Variants in HSD17B2 observed in about 807,000 individuals in gnomAD.
HSD17B2 encodes 17-beta-hydroxysteroid dehydrogenase type 2.
Under a neutral mutation model 26.9 loss-of-function variants are expected in HSD17B2, and 32 were observed. The observed-to-expected ratio is 1.19, with a 90% confidence interval of 0.90 to 1.60. The LOEUF (loss-of-function observed/expected upper bound fraction) is 1.60. Among genes scored for constraint, HSD17B2 ranks in the 40% most tolerant of loss-of-function variants. HSD17B2 has a pLI of 0.00. For missense variants in HSD17B2, 613 were observed against 468.6 expected (o/e 1.31, Z -2.85); for synonymous variants, 246 against 186.7 (o/e 1.32, Z -2.59).
chr16:82,077,718 G>A (rs747481980), intron 3 of HSD17B2, among the ~76,000 whole-genome samples: 1 of 151,164 alleles, frequency 6.6e-6, no homozygotes, highest in African/African-American at 2.4e-5. Context: ...ATGACAGAGT[G>A]AGACCCTGTT....
At chr16:82,039,177 C>T (rs1913699979) in intron 1 of HSD17B2, among the ~76,000 whole-genome samples, 1 of 151,874 alleles carries the variant, frequency 6.6e-6, no homozygotes, top group Non-Finnish European at 1.5e-5. Flanking sequence ...GCTGTGTGGA[C>T]AGCTGTGTAA....
At position 82,037,829 on chromosome 16, in the gene HSD17B2, G is replaced by A. The variant is rs540177116; in HGVS notation, c.265+2140G>A. ...AGGGTTGGAACAAGTCTACAGCCAC[G>A]TCAAATGCATAGATTCCTGGGCTGG... On this transcript the variant is annotated intron_variant, in intron 1 of 4. Coordinates refer to ENST00000199936, the MANE Select transcript of HSD17B2 (RefSeq NM_002153.3). 8.5e-5 allele frequency among the ~76,000 whole-genome samples: 13 copies of A among 152,320 alleles called. No homozygotes were observed. In the East Asian group the frequency reaches 1.9e-3, roughly 23 times the overall value.
In HSD17B2 at chr16:82,071,071, T is replaced by G; in HGVS notation, c.608T>G (p.Phe203Cys). ...GGAACTGTGGAGGTCACAAAGACGT[T>G]TTTGCCTCTTCTTAGAAAATCCAAA... ...FFGTVEVTKT[F>C]LPLLRKSKGR... The change falls in exon 3 of 5, where the codon TTT (phenylalanine) becomes TGT (cysteine). Residue 203 changes from phenylalanine to cysteine, a missense_variant. Coordinates refer to ENST00000199936, the MANE Select transcript of HSD17B2 (RefSeq NM_002153.3). 6.2e-7 allele frequency: 1 copy of G among 1,614,178 alleles called. No individual in the cohort carries two copies. Among genetic ancestry groups the G allele is most frequent in the South Asian group, 1.1e-5 (1 of 91,084 alleles).
chr16:82,061,168 G>C (rs564101839), intron 1 of HSD17B2, among the ~76,000 whole-genome samples: 78 of 151,648 alleles, frequency 5.1e-4, no homozygotes, highest in African/African-American at 1.9e-3. Context: ...CTGAGGCAAA[G>C]AATTGCTTGA....
intron 1 of HSD17B2, among the ~76,000 whole-genome samples, chr16:82,051,224 A>G (rs1441691590): frequency 6.6e-6 from 1 of 152,330 alleles, no homozygotes; most frequent in East Asian, 1.9e-4. Flanking sequence ...TAATGATAGC[A>G]TTGCGTACGG....
rs1014367887 is a variant in HSD17B2, at chr16:82,043,564, G to C, written c.265+7875G>C. On this transcript the variant is annotated intron_variant, in intron 1 of 4. Coordinates refer to ENST00000199936, the MANE Select transcript of HSD17B2 (RefSeq NM_002153.3). The stretch of plus-strand genomic sequence containing the variant: ...CCGGGCGCCGTGGCAGGCGCCTGTA[G>C]TCCCAGCTACTCGGGAGGCTGAGGC... Among the ~76,000 whole-genome samples, 87 of 141,740 alleles carry C rather than the reference G, an allele frequency of 6.1e-4. 15 individuals carry two copies. Among genetic ancestry groups the C allele is most frequent in the African/African-American group, 2.6e-3 (84 of 31,780 alleles). The allele number at this position is 141,740 out of a possible 152,430, so 93.0% of individuals were successfully genotyped here.
At chr16:82,090,427 T>C (rs1904656828) in intron 3 of HSD17B2, among the ~76,000 whole-genome samples, 1 of 146,910 alleles carries the variant, frequency 6.8e-6, no homozygotes, top group Non-Finnish European at 1.5e-5. Context: ...CAAGCGATTC[T>C]TACGTCTCAG....
At chr16:82,095,491 A>G (rs535801112) in intron 4 of HSD17B2, 4 of 153,068 alleles carry the variant, frequency 2.6e-5, no homozygotes, top group African/African-American at 9.6e-5. Context: ...AGCGTGGGAG[A>G]CCGCAAGCTT....
intron 3 of HSD17B2, among the ~76,000 whole-genome samples, chr16:82,086,301 A>T (rs1014802035): frequency 1.3e-5 from 2 of 152,356 alleles, no homozygotes; most frequent in African/African-American, 4.8e-5. Flanking sequence ...CAGCTTTACA[A>T]AGAGTGAAGT....
At chr16:82,038,300 G>A (rs1913672426) in intron 1 of HSD17B2, among the ~76,000 whole-genome samples, 1 of 152,216 alleles carries the variant, frequency 6.6e-6, no homozygotes, top group Non-Finnish European at 1.5e-5. Flanking sequence ...TGAAACCACA[G>A]AGGCCATTCA....
intron 3 of HSD17B2, among the ~76,000 whole-genome samples, chr16:82,073,985 G>A (rs1195114244): frequency 4.6e-5 from 7 of 152,070 alleles, no homozygotes; most frequent in Non-Finnish European, 7.4e-5. Context: ...AAACAGCATG[G>A]TCCTGTACAA....
intron 3 of HSD17B2, among the ~76,000 whole-genome samples, chr16:82,089,728 G>T (rs1276775459): frequency 6.6e-6 from 1 of 152,102 alleles, no homozygotes; most frequent in African/African-American, 2.4e-5. Flanking sequence ...GCCTTGGCTT[G>T]GGCAACATAA....
intron 4 of HSD17B2, chr16:82,097,753 A>T (rs8191241): frequency 0.019 from 3,218 of 168,274 alleles, 47 homozygotes; most frequent in Middle Eastern, 0.035. Flanking sequence ...AGCCTGGCCA[A>T]CATGGCAAAA....
intron 3 of HSD17B2, among the ~76,000 whole-genome samples, chr16:82,080,932 G>A (rs1396487328): frequency 6.6e-6 from 1 of 152,072 alleles, no homozygotes; most frequent in Non-Finnish European, 1.5e-5. Context: ...TTTTGTGGTT[G>A]TTGTTGTTTT....
rs116216748 is a variant in HSD17B2 at position 82,054,679 on chromosome 16, C to A, written c.266-13491C>A. On this transcript the variant is annotated intron_variant, in intron 1 of 4. Transcript: ENST00000199936. ...TCTTAACATACCACTTAGCCATTTC[C>A]ACCAACTTGATTTCCCAACCTCCAG... is the stretch of plus-strand genomic sequence containing the variant. Among the ~76,000 whole-genome samples, 1,379 of 152,310 alleles carry A rather than the reference C, an allele frequency of 9.1e-3. 14 individuals are homozygous for A. Among genetic ancestry groups the A allele is most frequent in the African/African-American group, 0.032 (1,317 of 41,572 alleles).
intron 1 of HSD17B2, among the ~76,000 whole-genome samples, chr16:82,047,332 G>A (rs1186206156): frequency 6.6e-6 from 1 of 152,214 alleles, no homozygotes; most frequent in Non-Finnish European, 1.5e-5. Flanking sequence ...AGCTAGAGAA[G>A]AAGACAATGG....
intron 4 of HSD17B2, chr16:82,094,633 T>A (rs1005038474): frequency 1.3e-5 from 2 of 152,224 alleles, no homozygotes; most frequent in Admixed American, 1.3e-4. Flanking sequence ...GAACTCATGT[T>A]TGGAGAATGA....
chr16:82,040,651 T>C (rs1171045548), intron 1 of HSD17B2, among the ~76,000 whole-genome samples: 1 of 152,230 alleles, frequency 6.6e-6, no homozygotes, highest in Non-Finnish European at 1.5e-5. Flanking sequence ...CTCTGCTTAA[T>C]ACAGAGCTTG....
chr16:82,073,647 G>A (rs1306394146), intron 3 of HSD17B2, among the ~76,000 whole-genome samples: 1 of 152,052 alleles, frequency 6.6e-6, no homozygotes. Flanking sequence ...GCTAACTAGG[G>A]AGGTGAAAGA....
Sources: gnomAD v4.1 joint callset for allele counts (sites outside exome capture counted in the v4.1 genomes callset) on GRCh38, gnomAD v4.1.1 for gene constraint, MANE v1.5 for transcripts, NCBI Gene and HGNC (gene_info 2026-07-23, HGNC 2026-07-21) for gene names.